GANC: variants seen among roughly 807,000 people sequenced by gnomAD.
GANC encodes the protein glucosidase alpha, neutral C.
GANC carries 117 observed loss-of-function variants against 124.2 expected under a neutral mutation model. That is an observed-to-expected ratio of 0.94 (90% confidence interval 0.81 to 1.10). GANC has a LOEUF of 1.10. Among genes scored for constraint, GANC ranks in the 50% least tolerant of loss-of-function variants. The pLI, the probability that GANC is intolerant of heterozygous loss-of-function variation, is 0.00. For synonymous variants in GANC, 377 were observed against 376.8 expected (o/e 1.00, Z -0.01); for missense variants, 1,140 against 1,095.0 (o/e 1.04, Z -0.58).
chr15:42,326,256 A>C, intron 11 of GANC, 42 bp from the exon 12 acceptor site: 1 of 1,404,614 alleles, frequency 7.1e-7, no homozygotes, highest in Non-Finnish European at 1.0e-6. Flanking sequence ...CATTTGTCTT[A>C]CATAAAACTG....
Position 42,329,479 on chromosome 15 carries a change from C to T in GANC, c.1644+30C>T, listed in dbSNP as rs746350952. The T allele has an allele frequency of 3.2e-6, 5 of 1,583,886 alleles. No homozygotes were observed. In the East Asian group the frequency reaches 1.1e-4, roughly 36 times the overall value. ...GACATCCAAAAAGAATTAAACTGGG[C>T]TTGTGTGACCCACCTTTTGGCTGAA... On this transcript the variant is annotated intron_variant, in intron 14 of 23. Coordinates refer to ENST00000318010, the MANE Select transcript of GANC (RefSeq NM_198141.3).
In GANC at chr15:42,345,773, A is replaced by C. The variant is rs867128809; in HGVS notation, c.2245A>C (p.Lys749Gln). The C allele has an allele frequency of 6.2e-7, 1 of 1,611,058 alleles. No homozygotes were observed. The change falls in exon 20 of 24, where the codon AAG becomes CAG. Residue 749 changes from lysine (K) to glutamine (Q), a missense_variant. Coordinates refer to ENST00000318010, the MANE Select transcript of GANC (RefSeq NM_198141.3). ...PGSNEVWYDY[K>Q]TFAHWEGGCT... Reference sequence around the variant, plus strand: ...TACTTTCTAGGTCTGGTATGACTATAAGACATTTGCTCATTGGGAAGGAGG... The same window carrying C: ...TACTTTCTAGGTCTGGTATGACTATCAGACATTTGCTCATTGGGAAGGAGG...
chr15:42,285,862 A>G (rs1196064167), intron 3 of GANC, among the ~76,000 whole-genome samples: 1 of 152,202 alleles, frequency 6.6e-6, no homozygotes, highest in African/African-American at 2.4e-5. Flanking sequence ...TTTTGCTAAA[A>G]TTAGATTGCT....
At chr15:42,321,387 T>C (rs953604830) in intron 10 of GANC, among the ~76,000 whole-genome samples, 2 of 152,204 alleles carry the variant, frequency 1.3e-5, no homozygotes, top group African/African-American at 4.8e-5. Context: ...CCTCTGTGTT[T>C]TTTCTGTTCC....
intron 11 of GANC, among the ~76,000 whole-genome samples, chr15:42,323,233 C>T (rs576907593): frequency 6.6e-6 from 1 of 152,310 alleles, no homozygotes; most frequent in South Asian, 2.1e-4. Flanking sequence ...GTCTGCCTGA[C>T]TCCAGATCTT....
chr15:42,319,630 G>A (rs2052140035), intron 10 of GANC, among the ~76,000 whole-genome samples: 2 of 152,104 alleles, frequency 1.3e-5, no homozygotes, highest in African/African-American at 4.8e-5. Context: ...AAAGCACTGA[G>A]ATCTTCTAAG....
At chr15:42,340,654 A>G (rs931146153) in intron 17 of GANC, 36 bp from the exon 18 acceptor site, 5 of 1,473,700 alleles carry the variant, frequency 3.4e-6, no homozygotes, top group East Asian at 4.5e-5. Context: ...TAAGATGTCT[A>G]TAATGTTAAA....
chr15:42,292,977 A>C, intron 5 of GANC, 60 bp downstream of exon 5: 1 of 1,484,136 alleles, frequency 6.7e-7, no homozygotes, highest in South Asian at 1.2e-5. Flanking sequence ...AATGAATATC[A>C]GTTGCCTAAA....
Position 42,294,049 on chromosome 15 carries a change from TCAAAA to T in GANC, c.512+1137_512+1141del, listed in dbSNP as rs1566951368. On this transcript the variant is annotated intron_variant, in intron 5 of 23. Transcript: ENST00000318010. ...CTGGGCAACAGAGCGAGATTCTGTC[TCAAAA>T]CAAACAAACAAAAAACGCTTTTTTT... Among the ~76,000 whole-genome samples, 3 of 151,580 alleles carry T rather than the reference TCAAAA, an allele frequency of 2.0e-5. 1 individual carries two copies. Among genetic ancestry groups the T allele is most frequent in the African/African-American group, 4.9e-5 (2 of 40,876 alleles).
intron 15 of GANC, among the ~76,000 whole-genome samples, chr15:42,331,777 G>T (rs530267575): frequency 6.6e-6 from 1 of 152,040 alleles, no homozygotes; most frequent in African/African-American, 2.4e-5. Flanking sequence ...ATAGATTATC[G>T]TGAGGCTATT....
intron 21 of GANC, 131 bp from the exon 22 acceptor site, chr15:42,349,250 ATT>A: frequency 1.6e-6 from 1 of 631,208 alleles, no homozygotes; most frequent in South Asian, 1.9e-5. Context: ...TATGTTAGGT[ATT>A]TGTACGACTA....
At chr15:42,308,675 C>G (rs1162958293) in intron 8 of GANC, among the ~76,000 whole-genome samples, 1 of 152,250 alleles carries the variant, frequency 6.6e-6, no homozygotes, top group East Asian at 1.9e-4. Flanking sequence ...TTAGTAGAGA[C>G]AGGGTTTTAC....
chr15:42,287,840 T>A, intron 4 of GANC, 22 bp downstream of exon 4: 1 of 1,595,724 alleles, frequency 6.3e-7, no homozygotes, highest in African/African-American at 1.4e-5. Context: ...AGCGAGGTAT[T>A]TTAGAGACAC....
intron 10 of GANC, among the ~76,000 whole-genome samples, chr15:42,312,985 A>C (rs2052067863): frequency 1.3e-5 from 2 of 152,014 alleles, no homozygotes; most frequent in South Asian, 4.1e-4. Flanking sequence ...AAGGATAGAC[A>C]TACAGACCAG....
rs1262145167 is a variant in GANC, at chr15:42,326,393, AG to A, written c.1393del (p.Glu465LysfsTer48). The A allele has an allele frequency of 1.2e-6, 2 of 1,613,974 alleles. No individual in the cohort carries two copies. The highest frequency in any genetic ancestry group is 2.7e-5 in the African/African-American group (2 of 74,922). On this transcript the variant is annotated frameshift_variant, in exon 12 of 24. Coordinates refer to ENST00000318010, the MANE Select transcript of GANC (RefSeq NM_198141.3). LOFTEE classifies it high-confidence loss of function. ...DQGFFVKNQE[G>X]EDFEGVCWPG... ...AGGGCTTCTTTGTGAAGAATCAGGA[AG>A]GGGAAGACTTTGAAGGGGTGTGTTG...
Position 42,276,507 on chromosome 15 carries a change from G to A in GANC, c.92+97G>A, listed in dbSNP as rs1033253379. 13 of 595,832 alleles carry A rather than the reference G, an allele frequency of 2.2e-5. No individual in the cohort carries two copies. The African/African-American group carries it at 2.4e-4, about 11-fold the overall frequency. 36.9% of individuals were successfully genotyped at this position (595,832 alleles called of 1,614,324 possible). On this transcript the variant is annotated intron_variant, in intron 2 of 23. Transcript: ENST00000318010. ...TTTTGGAACTGATAGACTTTCCAAG[G>A]AAAGGATAATTTAATAATTAAGGAA...
At chr15:42,280,271 T>C (rs563269892) in intron 3 of GANC, among the ~76,000 whole-genome samples, 14 of 152,326 alleles carry the variant, frequency 9.2e-5, no homozygotes, top group African/African-American at 3.1e-4. Flanking sequence ...TTTGATACAT[T>C]TGAGTTCTCA....
At chr15:42,333,632 T>G (rs2052263112) in intron 15 of GANC, among the ~76,000 whole-genome samples, 1 of 152,210 alleles carries the variant, frequency 6.6e-6, no homozygotes, top group African/African-American at 2.4e-5. Flanking sequence ...CTGGGTAGAT[T>G]ATGCATCCAT....
chr15:42,300,644 C>G (rs2051936569), intron 6 of GANC, among the ~76,000 whole-genome samples: 1 of 152,156 alleles, frequency 6.6e-6, no homozygotes, highest in African/African-American at 2.4e-5. Flanking sequence ...AAGACACATG[C>G]ACATGTATGT....
Sources: allele counts gnomAD v4.1 joint callset (sites outside exome capture counted in the v4.1 genomes callset), GRCh38; gene constraint gnomAD v4.1.1; transcripts MANE v1.5; gene names NCBI Gene and HGNC (gene_info 2026-07-23, HGNC 2026-07-21).